Variants in TOLLIP observed in about 807,000 individuals in gnomAD.
TOLLIP encodes toll interacting protein, also known as toll-interacting protein.
In TOLLIP, 16 loss-of-function variants were observed where a neutral mutation model predicts 33.5. That is an observed-to-expected ratio of 0.48 (90% CI 0.32 to 0.72). TOLLIP has a LOEUF of 0.72. Ranked by LOEUF, TOLLIP falls within the 30% of genes least tolerant of loss-of-function variation. TOLLIP has a pLI of 0.03. For synonymous variants in TOLLIP, 176 were observed against 163.7 expected, an observed-to-expected ratio of 1.07 and a Z score of -0.57; for missense variants, 325 against 396.6, an observed-to-expected ratio of 0.82 and a Z score of 1.53.
chr11:1,282,222 G>A (rs1863525536), intron 5 of TOLLIP, among the ~76,000 whole-genome samples: 3 of 152,208 alleles, frequency 2.0e-5, no homozygotes, highest in Admixed American at 6.5e-5. Flanking sequence ...CCCAGAGAAG[G>A]ATCAGAGGAG....
At chr11:1,299,754 T>G (rs909166281) in intron 1 of TOLLIP, among the ~76,000 whole-genome samples, 11 of 152,194 alleles carry the variant, frequency 7.2e-5, no homozygotes, top group Non-Finnish European at 7.3e-5. Context: ...CAGGAGCCAG[T>G]CCCCTGTCAA....
rs539495672 is a variant in TOLLIP, at chr11:1,292,449, T to C, written c.184-2040A>G. 9.8e-5 allele frequency among the ~76,000 whole-genome samples: 15 copies of C among 152,334 alleles called. No homozygotes were observed. In the South Asian group the frequency reaches 1.5e-3, roughly 15 times the overall value. On this transcript the variant is annotated intron_variant, in intron 2 of 5. Transcript: ENST00000317204. ...TGCCTGTCACCGATGCCTGCTCACA[T>C]TGGATCCTGCCTGCTTCTGCCACAC...
chr11:1,288,434 T>A (rs1863818862), intron 4 of TOLLIP, among the ~76,000 whole-genome samples, 190 bp downstream of exon 4: 1 of 152,194 alleles, frequency 6.6e-6, no homozygotes, highest in African/African-American at 2.4e-5. Flanking sequence ...GCAGGAGCAG[T>A]GGGCAGGGCA....
At chr11:1,286,509 A>G (rs1450631288) in intron 4 of TOLLIP, among the ~76,000 whole-genome samples, 1 of 152,210 alleles carries the variant, frequency 6.6e-6, no homozygotes, top group Non-Finnish European at 1.5e-5. Flanking sequence ...TCCACTGTGG[A>G]TAAGTCACTG....
rs1216467921 is a variant in TOLLIP, at chr11:1,284,540, G to A, written c.610+1462C>T. On this transcript the variant is annotated intron_variant, in intron 5 of 5. Transcript: ENST00000317204. ...ATTTGTTTGTATTTTTAGTAGAGAC[G>A]GGGTTTCACCGTGTTGGCCAGGATG... is the stretch of plus-strand genomic sequence containing the variant. Among the ~76,000 whole-genome samples, 26 of 152,214 alleles carry A rather than the reference G, an allele frequency of 1.7e-4. 1 individual carries two copies. Among genetic ancestry groups the A allele is most frequent in the East Asian group, 1.9e-4 (1 of 5,168 alleles).
chr11:1,276,920 C>T lies in TOLLIP; in HGVS notation c.*119G>A. The T allele has an allele frequency of 1.3e-6, 2 of 1,571,398 alleles. No homozygotes were observed. The highest frequency in any genetic ancestry group is 1.7e-6 in the Non-Finnish European group (2 of 1,159,272). On this transcript the variant is annotated 3_prime_UTR_variant, in exon 6 of 6. Transcript: ENST00000317204. Reference sequence around the variant, plus strand: ...GTGTGGACGGGGCGGCACAGAAGTCCACGGGAGGGGGCGACACGGGTGCTC... The same window carrying T: ...GTGTGGACGGGGCGGCACAGAAGTCTACGGGAGGGGGCGACACGGGTGCTC...
chr11:1,309,520 G>C lies in TOLLIP; in HGVS notation c.-22C>G. ...CCATGGTGCTGCGGCGGCCCCCGTG[G>C]CTCGCCGACCCGACAGTGACGCGCC... On this transcript the variant is annotated 5_prime_UTR_variant, in exon 1 of 6. Coordinates refer to ENST00000317204, the MANE Select transcript of TOLLIP (RefSeq NM_019009.4). 1 of 1,291,848 alleles carries C rather than the reference G, an allele frequency of 7.7e-7. No homozygotes were observed. The highest frequency in any genetic ancestry group is 2.0e-5 in the South Asian group (1 of 49,280). The allele number at this position is 1,291,848 out of a possible 1,614,324, so 80.0% of individuals were successfully genotyped here.
At chr11:1,297,095 G>A (rs1864135047) in intron 1 of TOLLIP, among the ~76,000 whole-genome samples, 1 of 152,262 alleles carries the variant, frequency 6.6e-6, no homozygotes, top group African/African-American at 2.4e-5. Flanking sequence ...AGTGCCCTGG[G>A]CAGTTGTTTT....
rs1192996206 is a variant in TOLLIP at position 1,275,346 on chromosome 11, GT to G, written c.*1692del. The G allele has an allele frequency of 6.6e-6, 1 of 152,270 alleles. No individual in the cohort carries two copies. Among genetic ancestry groups the G allele is most frequent in the Non-Finnish European group, 1.5e-5 (1 of 68,058 alleles). The allele number at this position is 152,270 out of a possible 1,614,324, so 9.4% of individuals were successfully genotyped here. A position where few individuals can be genotyped will look rare whatever the true frequency, so the allele number is the denominator to read the frequency against. On this transcript the variant is annotated 3_prime_UTR_variant, in exon 6 of 6. Coordinates refer to ENST00000317204, the MANE Select transcript of TOLLIP (RefSeq NM_019009.4). ...GCCCCCAGCACAGTGAGGCCTCTGA[GT>G]GTGGCTTGTGGTCTGTCCTGGGTTA...
At chr11:1,297,839 G>T (rs1368603850) in intron 1 of TOLLIP, among the ~76,000 whole-genome samples, 1 of 152,252 alleles carries the variant, frequency 6.6e-6, no homozygotes, top group African/African-American at 2.4e-5. Flanking sequence ...TCAACAGCAA[G>T]CTCTGGCTCA....
chr11:1,288,240 C>T (rs1402922158), intron 4 of TOLLIP, among the ~76,000 whole-genome samples: 2 of 152,216 alleles, frequency 1.3e-5, no homozygotes, highest in African/African-American at 4.8e-5. Context: ...TGGTGTCCTG[C>T]AGGGCCCAGG....
intron 1 of TOLLIP, 135 bp downstream of exon 1, chr11:1,309,331 G>A: frequency 2.4e-6 from 1 of 425,240 alleles, no homozygotes. Context: ...CCCTCCGGCC[G>A]GCCAGGCGCC....
In TOLLIP at chr11:1,309,448, C is replaced by A. The variant is rs1438732040; in HGVS notation, c.33+18G>T. The A allele has an allele frequency of 7.7e-7, 1 of 1,306,110 alleles. No individual in the cohort carries two copies. The highest frequency in any genetic ancestry group is 1.9e-5 in the South Asian group (1 of 52,044). 80.9% of individuals were successfully genotyped at this position (1,306,110 alleles called of 1,614,324 possible). On this transcript the variant is annotated intron_variant, in intron 1 of 5. Coordinates refer to ENST00000317204, the MANE Select transcript of TOLLIP (RefSeq NM_019009.4). ...CGCAGGTCACCGCCCCCGCCCGACC[C>A]TCGCCCGGCTGCCTCACCGGCCCGC...
intron 4 of TOLLIP, 44 bp from the exon 5 acceptor site, chr11:1,286,136 C>T (rs1361623732): frequency 1.4e-6 from 2 of 1,473,430 alleles, no homozygotes; most frequent in African/African-American, 1.4e-5. Flanking sequence ...GAGGAACATC[C>T]ACCCATCAGA....
chr11:1,285,825 C>T (rs370301597), intron 5 of TOLLIP, among the ~76,000 whole-genome samples, 177 bp downstream of exon 5: 4 of 151,018 alleles, frequency 2.6e-5, no homozygotes, highest in East Asian at 1.9e-4. Flanking sequence ...AAAATTCAAA[C>T]GTAAGCCTTG....
chr11:1,283,501 G>C (rs745355871), intron 5 of TOLLIP: 1 of 454,904 alleles, frequency 2.2e-6, no homozygotes. Context: ...CCGGTGGGGC[G>C]TCAGGTGGAC....
chr11:1,284,795 C>T (rs1343233290), intron 5 of TOLLIP, among the ~76,000 whole-genome samples: 4 of 152,226 alleles, frequency 2.6e-5, no homozygotes, highest in Admixed American at 6.5e-5. Context: ...CAAGTGAGGG[C>T]GAGGCCATGC....
chr11:1,302,126 A>G lies in TOLLIP; in HGVS notation c.34-6332T>C, dbSNP rs1864297658. Among the ~76,000 whole-genome samples, 5 of 152,368 alleles carry G rather than the reference A, an allele frequency of 3.3e-5. No individual in the cohort carries two copies. In the South Asian group the frequency reaches 1.0e-3, roughly 32 times the overall value. On this transcript the variant is annotated intron_variant, in intron 1 of 5. Coordinates refer to ENST00000317204, the MANE Select transcript of TOLLIP (RefSeq NM_019009.4). ...TGTCCTACAGGGGATGTCTGCTGCT[A>G]GGTTCACACCCAGGTCAGAGCTCAG...
chr11:1,292,955 G>A (rs1441437917), intron 2 of TOLLIP, among the ~76,000 whole-genome samples: 1 of 152,260 alleles, frequency 6.6e-6, no homozygotes, highest in Non-Finnish European at 1.5e-5. Flanking sequence ...CATGGGCCCA[G>A]CTGGAGCAGG....
Sources: allele counts gnomAD v4.1 joint callset (sites outside exome capture counted in the v4.1 genomes callset), GRCh38; gene constraint gnomAD v4.1.1; transcripts MANE v1.5; gene names NCBI Gene and HGNC (gene_info 2026-07-23, HGNC 2026-07-21).